ACER3: variants seen among roughly 807,000 people sequenced by gnomAD.
ACER3 encodes alkaline ceramidase 3.
Under a neutral mutation model 48.9 loss-of-function variants are expected in ACER3, and 16 were observed. The ratio of observed to expected loss-of-function variants is 0.33; its 90% CI spans 0.22 to 0.50. The LOEUF (loss-of-function observed/expected upper bound fraction) is 0.50, where lower values mean the gene tolerates loss of function less well. Among genes scored for constraint, ACER3 ranks in the 20% least tolerant of loss-of-function variants. The pLI, the probability that ACER3 is intolerant of heterozygous loss-of-function variation, is 0.98. For synonymous variants in ACER3, 109 were observed against 107.8 expected (o/e 1.01, Z -0.07); for missense variants, 227 against 326.0 (o/e 0.70, Z 2.34).
rs1945520071 is a variant in ACER3 at position 76,881,295 on chromosome 11, A to G, written c.103+20216A>G. On this transcript the variant is annotated intron_variant, in intron 1 of 10. Transcript: ENST00000532485. Reference sequence around the variant, plus strand: ...AAGTAGAATTCCCAAGCAGATAACAATTTAAATGTTATTAACAGGGCAACA... The same window carrying G: ...AAGTAGAATTCCCAAGCAGATAACAGTTTAAATGTTATTAACAGGGCAACA... Among the ~76,000 whole-genome samples the G allele has an allele frequency of 2.0e-5, 3 of 151,248 alleles. No individual in the cohort carries two copies. The South Asian group carries it at 6.3e-4, about 32-fold the overall frequency.
chr11:76,916,024 A>G (rs905901470), intron 1 of ACER3, among the ~76,000 whole-genome samples: 1 of 152,258 alleles, frequency 6.6e-6, no homozygotes, highest in Admixed American at 6.5e-5. Context: ...AGATTTTAAC[A>G]GTAATAAATC....
At chr11:76,943,179 T>C (rs1947382256) in intron 2 of ACER3, among the ~76,000 whole-genome samples, 1 of 151,986 alleles carries the variant, frequency 6.6e-6, no homozygotes, top group African/African-American at 2.4e-5. Flanking sequence ...GCTCTTATCT[T>C]TGTACTTCTT....
rs567902255 is a variant in ACER3 at position 77,026,755 on chromosome 11, A to T, written c.*6428A>T. 7 of 152,288 alleles carry T rather than the reference A, an allele frequency of 4.6e-5. No individual in the cohort carries two copies. The South Asian group carries it at 1.4e-3, about 32-fold the overall frequency. The allele number at this position is 152,288 out of a possible 1,614,324, so 9.4% of individuals were successfully genotyped here. A position where few individuals can be genotyped will look rare whatever the true frequency, so the allele number is the denominator to read the frequency against. Reference sequence around the variant, plus strand: ...TATATTTCTGCATTCATTACCTCTCATAGGTGAAAATATTAAATTAAATAA... The same window carrying T: ...TATATTTCTGCATTCATTACCTCTCTTAGGTGAAAATATTAAATTAAATAA... On this transcript the variant is annotated 3_prime_UTR_variant, in exon 11 of 11. Transcript: ENST00000532485.
At chr11:76,884,529 A>G (rs1565158318) in intron 1 of ACER3, among the ~76,000 whole-genome samples, 1 of 152,186 alleles carries the variant, frequency 6.6e-6, no homozygotes, top group South Asian at 2.1e-4. Flanking sequence ...TGTGATGTTA[A>G]AGTCTTCTGT....
intron 2 of ACER3, among the ~76,000 whole-genome samples, chr11:76,948,560 G>A (rs542014089): frequency 1.3e-5 from 2 of 152,144 alleles, no homozygotes; most frequent in Admixed American, 1.3e-4. Context: ...GTCATAGTTG[G>A]CATTATTTTG....
At chr11:76,884,857 G>A (rs1039735044) in intron 1 of ACER3, among the ~76,000 whole-genome samples, 1 of 151,936 alleles carries the variant, frequency 6.6e-6, no homozygotes, top group African/African-American at 2.4e-5. Flanking sequence ...TTGACTTCCT[G>A]GGCTCAGCTG....
intron 1 of ACER3, among the ~76,000 whole-genome samples, chr11:76,880,599 T>C (rs1045430456): frequency 1.7e-4 from 26 of 152,340 alleles, no homozygotes; most frequent in African/African-American, 6.3e-4. Context: ...CAGATTCTTC[T>C]TGGCTTCTCT....
At chr11:77,009,621 C>A (rs1949220294) in intron 7 of ACER3, among the ~76,000 whole-genome samples, 1 of 152,050 alleles carries the variant, frequency 6.6e-6, no homozygotes. Flanking sequence ...ACCAACCTGG[C>A]AAAGAAGTAA....
At chr11:76,871,940 A>G (rs1439338682) in intron 1 of ACER3, among the ~76,000 whole-genome samples, 2 of 152,160 alleles carry the variant, frequency 1.3e-5, no homozygotes, top group Admixed American at 6.5e-5. Flanking sequence ...CTGTTCTGTC[A>G]GTCTTAGGAT....
rs1197312324 is a variant in ACER3, at chr11:77,017,823, AT to A, written c.704+1049del. On this transcript the variant is annotated intron_variant, in intron 9 of 10. Coordinates refer to ENST00000532485, the MANE Select transcript of ACER3 (RefSeq NM_018367.7). ...TGCATTAAGCAAGTTTATAGGTGACATTTTTCCAGCAGCATGTGCTCACTTC... is the reference window on the plus strand; with the variant it reads ...TGCATTAAGCAAGTTTATAGGTGACATTTTCCAGCAGCATGTGCTCACTTC... Among the ~76,000 whole-genome samples the A allele has an allele frequency of 2.6e-5, 4 of 151,542 alleles. No homozygotes were observed. In the East Asian group the frequency reaches 7.7e-4, roughly 29 times the overall value.
At chr11:76,984,621 G>C (rs1020488342) in intron 4 of ACER3, among the ~76,000 whole-genome samples, 4 of 152,126 alleles carry the variant, frequency 2.6e-5, no homozygotes, top group Non-Finnish European at 5.9e-5. Context: ...TACCTCCTAT[G>C]TGTTCAGCAT....
At chr11:76,897,951 A>G (rs1945977723) in intron 1 of ACER3, among the ~76,000 whole-genome samples, 1 of 152,236 alleles carries the variant, frequency 6.6e-6, no homozygotes, top group Non-Finnish European at 1.5e-5. Flanking sequence ...AATGATAGAG[A>G]ATATTAAAAA....
At chr11:76,891,247 A>AAT (rs943164638) in intron 1 of ACER3, among the ~76,000 whole-genome samples, 29 of 32,884 alleles carry the variant, frequency 8.8e-4, no homozygotes, top group Non-Finnish European at 4.7e-3. Flanking sequence ...TTATATATAT[A>AAT]ATATATATAT....
At chr11:76,883,789 A>G (rs542838670) in intron 1 of ACER3, among the ~76,000 whole-genome samples, 69 of 152,230 alleles carry the variant, frequency 4.5e-4, no homozygotes, top group African/African-American at 1.6e-3. Context: ...TTTGGATGCC[A>G]GACATGGTAA....
In ACER3 at chr11:76,998,926, A is replaced by G. The variant is rs192986029; in HGVS notation, c.497+105A>G. 1.9e-5 allele frequency: 15 copies of G among 788,464 alleles called. No individual in the cohort carries two copies. The Admixed American group carries it at 4.6e-4, about 24-fold the overall frequency. 48.8% of individuals were successfully genotyped at this position (788,464 alleles called of 1,614,324 possible). ...AACACATAAAAGCTCACTTCAGTAG[A>G]GATGTTGGAAGAAAACTATAACCCA... On this transcript the variant is annotated intron_variant, in intron 7 of 10. Transcript: ENST00000532485.
chr11:76,899,079 T>C (rs1946013707), intron 1 of ACER3, among the ~76,000 whole-genome samples: 1 of 152,158 alleles, frequency 6.6e-6, no homozygotes, highest in African/African-American at 2.4e-5. Context: ...CATGCCAAGA[T>C]TTCAAAGAGA....
chr11:76,882,356 AC>A (rs2134581220), intron 1 of ACER3, among the ~76,000 whole-genome samples: 1 of 151,714 alleles, frequency 6.6e-6, no homozygotes, highest in Non-Finnish European at 1.5e-5. Flanking sequence ...GTTTTGATTG[AC>A]CTATCTTTAT....
At chr11:76,950,274 A>G (rs1339224905) in intron 2 of ACER3, among the ~76,000 whole-genome samples, 1 of 84,676 alleles carries the variant, frequency 1.2e-5, no homozygotes, top group African/African-American at 2.8e-5. Flanking sequence ...CCTTACCATA[A>G]GCCGGAGTAG....
At chr11:76,890,915 T>G (rs924280216) in intron 1 of ACER3, among the ~76,000 whole-genome samples, 1 of 151,636 alleles carries the variant, frequency 6.6e-6, no homozygotes, top group African/African-American at 2.4e-5. Context: ...AGGTCAGGAG[T>G]TCGAGACCCG....
Sources: gnomAD v4.1 joint callset for allele counts (sites outside exome capture counted in the v4.1 genomes callset) on GRCh38, gnomAD v4.1.1 for gene constraint, MANE v1.5 for transcripts, NCBI Gene and HGNC (gene_info 2026-07-23, HGNC 2026-07-21) for gene names.